Variants in ATXN7 observed in about 807,000 individuals in gnomAD.
The protein encoded by ATXN7 is ataxin-7.
A neutral mutation model predicts 70.5 loss-of-function variants in ATXN7; 12 were observed. That is an observed-to-expected ratio of 0.17 (90% CI 0.11 to 0.28). The LOEUF (loss-of-function observed/expected upper bound fraction) is 0.28, where lower values mean the gene tolerates loss of function less well. Ranked by LOEUF, ATXN7 falls within the 10% of genes least tolerant of loss-of-function variation. ATXN7 has a pLI of 1.00. For synonymous variants in ATXN7, 498 were observed against 448.7 expected (o/e 1.11, Z -1.39); for missense variants, 1,256 against 1,131.7 (o/e 1.11, Z -1.58).
intron 1 of ATXN7, among the ~76,000 whole-genome samples, chr3:63,894,799 C>A (rs1559622799): frequency 6.6e-6 from 1 of 152,152 alleles, no homozygotes. Context: ...GCTAGGATTA[C>A]AAGCATGAGC....
chr3:63,970,121 C>G (rs1468451598), intron 5 of ATXN7, among the ~76,000 whole-genome samples: 2 of 152,144 alleles, frequency 1.3e-5, no homozygotes. Context: ...GCCAGCATGT[C>G]ATTCATTGTG....
intron 6 of ATXN7, among the ~76,000 whole-genome samples, chr3:63,981,657 C>T (rs942598762): frequency 6.6e-6 from 1 of 152,190 alleles, no homozygotes; most frequent in Non-Finnish European, 1.5e-5. Context: ...AAACACTAGT[C>T]TCCCTTATTG....
chr3:63,938,461 C>T (rs2074701821), intron 4 of ATXN7, among the ~76,000 whole-genome samples: 2 of 152,206 alleles, frequency 1.3e-5, no homozygotes. Context: ...ACTCCCCTTT[C>T]CCCTCTTCAG....
chr3:63,982,879 T>TA (rs985200091), intron 7 of ATXN7, 60 bp from the exon 8 acceptor site: 28 of 1,319,848 alleles, frequency 2.1e-5, no homozygotes, highest in South Asian at 2.1e-4. Flanking sequence ...TTTTCTTGCT[T>TA]AAAAAATACA....
intron 4 of ATXN7, among the ~76,000 whole-genome samples, chr3:63,915,284 A>G (rs981143722): frequency 1.3e-5 from 2 of 152,104 alleles, no homozygotes; most frequent in South Asian, 2.1e-4. Flanking sequence ...AAGTTGTTCT[A>G]ACCATTTAGA....
At chr3:63,998,819 G>C in intron 12 of ATXN7, 2 of 456,796 alleles carry the variant, frequency 4.4e-6, no homozygotes, top group Non-Finnish European at 5.8e-6. Context: ...ACCTCTACTT[G>C]CTGTTCCTTG....
intron 1 of ATXN7, among the ~76,000 whole-genome samples, chr3:63,874,711 G>A (rs1702698376): frequency 6.6e-6 from 1 of 152,176 alleles, no homozygotes; most frequent in Non-Finnish European, 1.5e-5. Flanking sequence ...TCCTTTTCTG[G>A]ATTCTGAAGT....
rs1303822720 is a variant in ATXN7, at chr3:63,999,601, C to G, written c.*134C>G. On this transcript the variant is annotated 3_prime_UTR_variant, in exon 13 of 13. Coordinates refer to ENST00000674280, the MANE Select transcript of ATXN7 (RefSeq NM_001377405.1). ...TCCTGTGGGCCTCAAGGGTAGAAAC[C>G]TGCCGGGCTGTTGTTTTAACGAGGA... 4.7e-6 allele frequency: 7 copies of G among 1,485,362 alleles called. No homozygotes were observed. The highest frequency in any genetic ancestry group is 6.4e-6 in the Non-Finnish European group (7 of 1,085,444). The allele number at this position is 1,485,362 out of a possible 1,614,324, so 92.0% of individuals were successfully genotyped here. A position where few individuals can be genotyped will look rare whatever the true frequency, so the allele number is the denominator to read the frequency against.
chr3:63,884,224 C>T (rs1575845041), intron 1 of ATXN7, among the ~76,000 whole-genome samples: 1 of 147,784 alleles, frequency 6.8e-6, no homozygotes, highest in Non-Finnish European at 1.5e-5. Flanking sequence ...CACACACACA[C>T]ACACACACAC....
chr3:63,915,325 G>A (rs1275732912), intron 4 of ATXN7, among the ~76,000 whole-genome samples: 3 of 152,128 alleles, frequency 2.0e-5, no homozygotes, highest in South Asian at 2.1e-4. Context: ...CACTTGGAAC[G>A]TACACCTGTC....
intron 4 of ATXN7, among the ~76,000 whole-genome samples, chr3:63,930,448 C>G (rs1260984862): frequency 2.0e-5 from 3 of 152,140 alleles, no homozygotes; most frequent in Admixed American, 6.5e-5. Context: ...ATGATTCTGT[C>G]TATATCTGGG....
rs766342876 is a variant in ATXN7, at chr3:63,996,098, A to G, written c.2276A>G (p.Asn759Ser). ...TVTSSHSIGL[N>S]CVTNKANAVN... ...ACATCTTCCCATAGCATCGGCCTCA[A>G]CTGTGTGACGAATAAAGCAAATGCG... is the stretch of plus-strand genomic sequence containing the variant. Residue 759 changes from asparagine (N) to serine (S), a missense_variant, in exon 12 of 13, where the codon AAC (asparagine) becomes AGC (serine). Transcript: ENST00000674280. 5 of 1,614,210 alleles carry G rather than the reference A, an allele frequency of 3.1e-6. No homozygotes were observed. Among genetic ancestry groups the G allele is most frequent in the East Asian group, 2.2e-5 (1 of 44,882 alleles).
At chr3:63,900,022 G>T (rs1304639076) in intron 2 of ATXN7, among the ~76,000 whole-genome samples, 15 of 152,116 alleles carry the variant, frequency 9.9e-5, no homozygotes, top group African/African-American at 3.6e-4. Flanking sequence ...AGCTTGAGGC[G>T]GCAGTTAGCC....
intron 4 of ATXN7, among the ~76,000 whole-genome samples, chr3:63,941,076 A>G (rs1475101523): frequency 2.6e-5 from 4 of 152,194 alleles, no homozygotes; most frequent in Non-Finnish European, 5.9e-5. Flanking sequence ...ACTCTATTCT[A>G]TCCCCAGCAT....
chr3:63,943,267 A>T (rs1370097176), intron 4 of ATXN7, among the ~76,000 whole-genome samples: 3 of 152,222 alleles, frequency 2.0e-5, no homozygotes, highest in Non-Finnish European at 4.4e-5. Flanking sequence ...CAAAGCGGAG[A>T]GTTCGAAGAG....
Position 63,983,005 on chromosome 3 carries a change from G to T in ATXN7, c.1079G>T (p.Arg360Leu). 6.2e-7 allele frequency: 1 copy of T among 1,613,826 alleles called. No individual in the cohort carries two copies. The highest frequency in any genetic ancestry group is 8.5e-7 in the Non-Finnish European group (1 of 1,179,894). Residue 360 changes from arginine (R) to leucine (L), a missense_variant, in exon 8 of 13, where the codon CGG becomes CTG. Arg to Leu is a moderately radical substitution (Grantham distance 102). Coordinates refer to ENST00000674280, the MANE Select transcript of ATXN7 (RefSeq NM_001377405.1). The part of the protein sequence containing the change: ...IDLDTKKPCT[R>L]SLTCKTHSLT... ...CTCGACACCAAGAAGCCCTGCACCC[G>T]GTCTTTGACATGCAAGGTAGGTGGA...
chr3:63,950,605 C>T (rs7629586), intron 4 of ATXN7, among the ~76,000 whole-genome samples: 146,574 of 152,290 alleles, frequency 0.96, 70,583 homozygotes, highest in East Asian at 1. Context: ...ATGGAACTTA[C>T]GGTAAATGAC....
At chr3:63,938,371 G>A (rs980659822) in intron 4 of ATXN7, among the ~76,000 whole-genome samples, 3 of 152,140 alleles carry the variant, frequency 2.0e-5, no homozygotes, top group African/African-American at 7.2e-5. Context: ...GTAATAAACT[G>A]CACCTAATCT....
chr3:63,915,395 T>C (rs1704222406), intron 4 of ATXN7, among the ~76,000 whole-genome samples: 1 of 152,222 alleles, frequency 6.6e-6, no homozygotes, highest in Non-Finnish European at 1.5e-5. Context: ...ACTTTGCGGA[T>C]TATGTGGGGA....
Sources: allele counts gnomAD v4.1 joint callset (sites outside exome capture counted in the v4.1 genomes callset), GRCh38; gene constraint gnomAD v4.1.1; transcripts MANE v1.5; gene names NCBI Gene and HGNC (gene_info 2026-07-23, HGNC 2026-07-21).